NALCN: variants seen among roughly 807,000 people sequenced by gnomAD.
NALCN encodes sodium leak channel NALCN.
A neutral mutation model predicts 225.3 loss-of-function variants in NALCN; 111 were observed. That is an observed-to-expected ratio of 0.49 (90% CI 0.42 to 0.58). The LOEUF (loss-of-function observed/expected upper bound fraction) is 0.58, where lower values mean the gene tolerates loss of function less well. Among genes scored for constraint, NALCN ranks in the 20% least tolerant of loss-of-function variants. The pLI, the probability that NALCN is intolerant of heterozygous loss-of-function variation, is 0.00. For synonymous variants in NALCN, 764 were observed against 769.0 expected (o/e 0.99, Z 0.11); for missense variants, 1,378 against 2,202.4 (o/e 0.63, Z 7.49).
chr13:101,142,795 C>T (rs1054966485), intron 17 of NALCN: 12 of 404,448 alleles, frequency 3.0e-5, no homozygotes, highest in Non-Finnish European at 5.6e-5. Flanking sequence ...AGATCCCAGC[C>T]CTTTATTCCG....
intron 13 of NALCN, among the ~76,000 whole-genome samples, chr13:101,200,637 C>A (rs1437166030): frequency 6.6e-6 from 1 of 152,102 alleles, no homozygotes; most frequent in Non-Finnish European, 1.5e-5. Context: ...AGGCTTCCCA[C>A]AGGGCCACTG....
chr13:101,298,131 A>G (rs1413566407), intron 7 of NALCN, among the ~76,000 whole-genome samples: 2 of 152,230 alleles, frequency 1.3e-5, no homozygotes, highest in Non-Finnish European at 2.9e-5. Flanking sequence ...CTCCAAATAG[A>G]TACTTATTTG....
chr13:101,357,847 A>C (rs2046108670), intron 6 of NALCN, among the ~76,000 whole-genome samples: 1 of 152,172 alleles, frequency 6.6e-6, no homozygotes, highest in Non-Finnish European at 1.5e-5. Context: ...CATATAGACC[A>C]ATGGAACAGA....
chr13:101,313,839 C>T (rs1325132393), intron 7 of NALCN, among the ~76,000 whole-genome samples: 3 of 152,120 alleles, frequency 2.0e-5, no homozygotes, highest in Non-Finnish European at 4.4e-5. Context: ...ATAAATCATG[C>T]TGCTATAAAG....
intron 34 of NALCN, among the ~76,000 whole-genome samples, 156 bp from the exon 35 acceptor site, chr13:101,076,097 C>T (rs1335234773): frequency 6.6e-6 from 1 of 152,214 alleles, no homozygotes; most frequent in Non-Finnish European, 1.5e-5. Flanking sequence ...GAAAAGGTCA[C>T]TGCAAAAACT....
rs749343122 is a variant in NALCN, at chr13:101,111,240, A to G, written c.2193-14T>C. On this transcript the variant is annotated splice_polypyrimidine_tract_variant and intron_variant, in intron 18 of 43. Coordinates refer to ENST00000251127, the MANE Select transcript of NALCN (RefSeq NM_052867.4). ...CGGGTGCAAGCTCTAGGAAAAAAAAAGGAGCCCAAGATAAATGCATGGTTT... is the reference window on the plus strand; with the variant it reads ...CGGGTGCAAGCTCTAGGAAAAAAAAGGGAGCCCAAGATAAATGCATGGTTT... 3 of 1,575,758 alleles carry G rather than the reference A, an allele frequency of 1.9e-6. No homozygotes were observed. In the South Asian group the frequency reaches 3.4e-5, roughly 18 times the overall value.
intron 18 of NALCN, among the ~76,000 whole-genome samples, chr13:101,114,189 G>T (rs2035584689): frequency 6.6e-6 from 1 of 152,166 alleles, no homozygotes; most frequent in Non-Finnish European, 1.5e-5. Context: ...TAAGCTGTGG[G>T]ACCTTAGACA....
chr13:101,381,270 C>T (rs1004742382), intron 3 of NALCN, among the ~76,000 whole-genome samples: 12 of 151,940 alleles, frequency 7.9e-5, no homozygotes, highest in African/African-American at 2.9e-4. Flanking sequence ...AGGATGCTAC[C>T]GATGCTACTG....
At chr13:101,192,509 A>AT (rs1288560349) in intron 13 of NALCN, among the ~76,000 whole-genome samples, 4 of 152,158 alleles carry the variant, frequency 2.6e-5, no homozygotes, top group Non-Finnish European at 4.4e-5. Flanking sequence ...CTATCATATT[A>AT]TTTTAGCTAT....
intron 11 of NALCN, among the ~76,000 whole-genome samples, chr13:101,249,416 A>C (rs2041997349): frequency 6.6e-6 from 1 of 152,206 alleles, no homozygotes; most frequent in African/African-American, 2.4e-5. Flanking sequence ...AAATATGTCT[A>C]TTCCATTTGT....
Position 101,209,999 on chromosome 13 carries a change from A to G in NALCN, c.1627-17945T>C, listed in dbSNP as rs1437292924. ...GAATTCTGAAAACTAAAATAACAAC[A>G]CAAAGAAGCAACAGCAAAAGCCACA... On this transcript the variant is annotated intron_variant, in intron 13 of 43. Transcript: ENST00000251127. Among the ~76,000 whole-genome samples, 5 of 152,202 alleles carry G rather than the reference A, an allele frequency of 3.3e-5. No homozygotes were observed. In the South Asian group the frequency reaches 6.2e-4, roughly 19 times the overall value.
In NALCN at chr13:101,399,052, C is replaced by A; in HGVS notation, c.75G>T (p.Ser25=). ...TAATCCAGAGGATGTCAGCATTATC[C>A]GACAGAGACTCATCAGGACCAAAGT... The part of the protein sequence containing the change: ...VTDFGPDESL[S]DNADILWINK... Residue 25 remains serine (S), a synonymous_variant, in exon 2 of 44, where the codon TCG becomes TCT. Coordinates refer to ENST00000251127, the MANE Select transcript of NALCN (RefSeq NM_052867.4). 6.2e-7 allele frequency: 1 copy of A among 1,610,964 alleles called. No homozygotes were observed. The highest frequency in any genetic ancestry group is 8.5e-7 in the Non-Finnish European group (1 of 1,177,294).
chr13:101,360,518 C>T (rs939877672), intron 6 of NALCN, among the ~76,000 whole-genome samples: 1 of 152,104 alleles, frequency 6.6e-6, no homozygotes, highest in African/African-American at 2.4e-5. Context: ...CAGGCATGAG[C>T]CACCGTGCCC....
intron 22 of NALCN, among the ~76,000 whole-genome samples, chr13:101,107,034 C>T (rs946956662): frequency 5.3e-5 from 8 of 152,118 alleles, no homozygotes; most frequent in South Asian, 2.1e-4. Flanking sequence ...CTTCTTATAA[C>T]AGTTGGTAAT....
intron 2 of NALCN, among the ~76,000 whole-genome samples, chr13:101,396,921 C>G (rs1483704537): frequency 6.6e-6 from 1 of 151,452 alleles, no homozygotes; most frequent in African/African-American, 2.4e-5. Flanking sequence ...GTTAGGGGTG[C>G]TTCATTCTCT....
intron 13 of NALCN, among the ~76,000 whole-genome samples, chr13:101,214,950 TA>T (rs1168179285): frequency 6.6e-6 from 1 of 152,152 alleles, no homozygotes; most frequent in Non-Finnish European, 1.5e-5. Flanking sequence ...GATGCAGAAC[TA>T]GGGGGCATGA....
Position 101,395,395 on chromosome 13 carries a change from G to A in NALCN, c.109-30C>T, listed in dbSNP as rs761072889. 54 of 1,597,430 alleles carry A rather than the reference G, an allele frequency of 3.4e-5. No individual in the cohort carries two copies. In the South Asian group the frequency reaches 6.0e-4, roughly 18 times the overall value. On this transcript the variant is annotated intron_variant, in intron 2 of 43. Coordinates refer to ENST00000251127, the MANE Select transcript of NALCN (RefSeq NM_052867.4). Reference sequence around the variant, plus strand: ...AATGATGGTCCAGAGTTACTACACGGCACCATAACTGATATCTCAAACTTG... The same window carrying A: ...AATGATGGTCCAGAGTTACTACACGACACCATAACTGATATCTCAAACTTG...
intron 6 of NALCN, among the ~76,000 whole-genome samples, chr13:101,360,212 C>CTCTCTCTG (rs1255641561): frequency 6.8e-6 from 1 of 147,564 alleles, no homozygotes; most frequent in Admixed American, 6.8e-5. Flanking sequence ...CTCTCTCTCT[C>CTCTCTCTG]TCTCTCTCTC....
At chr13:101,158,323 T>C (rs2038003681) in intron 15 of NALCN, among the ~76,000 whole-genome samples, 1 of 152,224 alleles carries the variant, frequency 6.6e-6, no homozygotes, top group South Asian at 2.1e-4. Flanking sequence ...CCTTAGGTCC[T>C]TCCTTTAATC....
Sources: gnomAD v4.1 joint callset for allele counts (sites outside exome capture counted in the v4.1 genomes callset) on GRCh38, gnomAD v4.1.1 for gene constraint, MANE v1.5 for transcripts, NCBI Gene and HGNC (gene_info 2026-07-23, HGNC 2026-07-21) for gene names.